CFH: variants seen among roughly 807,000 people sequenced by gnomAD.
The protein encoded by CFH is H factor 1 (complement).
A neutral mutation model predicts 147.3 loss-of-function variants in CFH; 53 were observed. The ratio of observed to expected loss-of-function variants is 0.36; its 90% CI spans 0.29 to 0.45. The LOEUF (loss-of-function observed/expected upper bound fraction) is 0.45. Among genes scored for constraint, CFH ranks in the 20% least tolerant of loss-of-function variants. The probability of loss-of-function intolerance (pLI) is 1.00; values close to 1 mark genes in which losing one functional copy is unlikely to be tolerated. For synonymous variants in CFH, 536 were observed against 489.4 expected (o/e 1.10, Z -1.26); for missense variants, 1,380 against 1,498.0 (o/e 0.92, Z 1.30).
At chr1:196,746,050 A>T in intron 21 of CFH, 51 bp downstream of exon 21, 1 of 1,613,034 alleles carries the variant, frequency 6.2e-7, no homozygotes, top group Non-Finnish European at 8.5e-7. Context: ...GATGAGTCTG[A>T]TATTTCACTG....
chr1:196,726,908 A>T lies in CFH; in HGVS notation c.2204A>T (p.His735Leu). Residue 735 changes from histidine (H) to leucine (L), a missense_variant, in exon 14 of 22, where the codon CAT (histidine) becomes CTT (leucine). His to Leu is a moderately conservative substitution (Grantham distance 99). Coordinates refer to ENST00000367429, the MANE Select transcript of CFH (RefSeq NM_000186.4). The stretch of plus-strand genomic sequence containing the variant: ...GGACACAGATCAATTACGTGTATTC[A>T]TGGAGTATGGACCCAACTTCCCCAG... Reference protein sequence around the residue: ...MIGHRSITCIHGVWTQLPQCV... With the variant: ...MIGHRSITCILGVWTQLPQCV... The T allele has an allele frequency of 1.9e-6, 3 of 1,613,736 alleles. No individual in the cohort carries two copies. The South Asian group carries it at 3.3e-5, about 18-fold the overall frequency.
chr1:196,657,097 TC>T (rs1426309325), intron 1 of CFH, among the ~76,000 whole-genome samples: 1 of 152,124 alleles, frequency 6.6e-6, no homozygotes, highest in Non-Finnish European at 1.5e-5. Flanking sequence ...GCTCAAGCAA[TC>T]CTCCTGCCTC....
intron 1 of CFH, among the ~76,000 whole-genome samples, chr1:196,672,127 A>G (rs16840401): frequency 0.026 from 3,994 of 152,126 alleles, 192 homozygotes; most frequent in African/African-American, 0.09. Flanking sequence ...TGATTTGGCA[A>G]AGTTTCAGAA....
rs774287069 is a variant in CFH, at chr1:196,728,436, A to G, written c.2327A>G (p.Asn776Ser). ...AAGAAGGAATTCGATCATAATTCTA[A>G]CATAAGGTACAGATGTAGAGGAAAA... ...KNKKEFDHNS[N>S]IRYRCRGKEG... The change falls in exon 15 of 22, where the codon AAC becomes AGC. Residue 776 changes from asparagine (N) to serine (S), a missense_variant. By Grantham distance (46) the Asn-to-Ser change is conservative. This residue lies in a region of CFH where 830 missense variants were observed against 821.4 expected (regional missense o/e 1.01). Coordinates refer to ENST00000367429, the MANE Select transcript of CFH (RefSeq NM_000186.4). 6.2e-7 allele frequency: 1 copy of G among 1,611,554 alleles called. No homozygotes were observed. The highest frequency in any genetic ancestry group is 1.1e-5 in the South Asian group (1 of 90,768).
chr1:196,694,654 C>T (rs1021060251), intron 9 of CFH, among the ~76,000 whole-genome samples: 8 of 152,188 alleles, frequency 5.3e-5, no homozygotes, highest in South Asian at 2.1e-4. Flanking sequence ...TCCGCATCCT[C>T]GCCAGCACCT....
intron 1 of CFH, among the ~76,000 whole-genome samples, chr1:196,660,505 G>A (rs1188179647): frequency 6.6e-6 from 1 of 152,146 alleles, no homozygotes. Context: ...GAGAGTAGAG[G>A]ACTGGAGGCT....
In CFH at chr1:196,741,993, T is replaced by C; in HGVS notation, c.3075T>C (p.Asp1025=). 5 of 1,614,136 alleles carry C rather than the reference T, an allele frequency of 3.1e-6. No individual in the cohort carries two copies. The highest frequency in any genetic ancestry group is 4.2e-6 in the Non-Finnish European group (5 of 1,180,012). The change falls in exon 19 of 22, where the codon GAT becomes GAC. Residue 1025 remains aspartate, a synonymous_variant. Transcript: ENST00000367429. The stretch of plus-strand genomic sequence containing the variant: ...CTTGTGCAACATATTACAAAATGGA[T>C]GGAGCCAGTAATGTAACATGCATTA... The part of the protein sequence containing the change: ...TYTCATYYKM[D]GASNVTCINS...
rs485155 is a variant in CFH at position 196,670,286 on chromosome 1, T to A, written c.59-2692T>A. The stretch of plus-strand genomic sequence containing the variant: ...GTAGTGAGTTAAGACTTGGGGGGAC[T>A]GTTGGGAAGGCATGATTATGTTTTG... On this transcript the variant is annotated intron_variant, in intron 1 of 21. Transcript: ENST00000367429. Among the ~76,000 whole-genome samples the A allele has an allele frequency of 6.0e-3, 911 of 152,264 alleles. 8 individuals are homozygous for A. Among genetic ancestry groups the A allele is most frequent in the African/African-American group, 0.02 (847 of 41,562 alleles).
At chr1:196,701,602 A>G (rs1445862589) in intron 9 of CFH, 2 of 471,062 alleles carry the variant, frequency 4.2e-6, no homozygotes, top group African/African-American at 3.9e-5. Flanking sequence ...GTTGCTGTGC[A>G]GCAGGCATAC....
At chr1:196,686,680 T>A (rs1667840882) in intron 7 of CFH, among the ~76,000 whole-genome samples, 1 of 152,090 alleles carries the variant, frequency 6.6e-6, no homozygotes, top group South Asian at 2.1e-4. Context: ...TCAGTGTGCA[T>A]AAGAATTATG....
At chr1:196,695,955 C>T (rs960869955) in intron 9 of CFH, among the ~76,000 whole-genome samples, 2 of 152,028 alleles carry the variant, frequency 1.3e-5, no homozygotes, top group Non-Finnish European at 2.9e-5. Flanking sequence ...CAAAAAGAGA[C>T]AATTTGACTT....
At chr1:196,720,970 A>C (rs1558176426) in intron 11 of CFH, among the ~76,000 whole-genome samples, 2 of 151,748 alleles carry the variant, frequency 1.3e-5, no homozygotes, top group African/African-American at 4.8e-5. Context: ...AACATTTATT[A>C]TTTTTTGACT....
At position 196,677,188 on chromosome 1, in the gene CFH, A is replaced by G. The variant is rs561746113; in HGVS notation, c.428-288A>G. On this transcript the variant is annotated intron_variant, in intron 4 of 21. Transcript: ENST00000367429. ...TGTATTTAATTATCTCAAGCTTTATATTTCTTAATTATTTAAAAATACTAG... is the reference window on the plus strand; with the variant it reads ...TGTATTTAATTATCTCAAGCTTTATGTTTCTTAATTATTTAAAAATACTAG... The G allele has an allele frequency of 4.0e-5, 12 of 296,950 alleles. No individual in the cohort carries two copies. In the East Asian group the frequency reaches 7.9e-4, roughly 20 times the overall value. 18.4% of individuals were successfully genotyped at this position (296,950 alleles called of 1,614,324 possible). A position where few individuals can be genotyped will look rare whatever the true frequency, so the allele number is the denominator to read the frequency against.
chr1:196,688,323 TG>T (rs920139624), intron 7 of CFH, among the ~76,000 whole-genome samples: 24 of 152,076 alleles, frequency 1.6e-4, no homozygotes, highest in Non-Finnish European at 2.9e-4. Context: ...GTAATTATAT[TG>T]TACCTTACTT....
chr1:196,667,136 T>A (rs1182842780), intron 1 of CFH, among the ~76,000 whole-genome samples: 2 of 152,196 alleles, frequency 1.3e-5, no homozygotes, highest in Non-Finnish European at 2.9e-5. Context: ...TTCTGTTATA[T>A]TTTGAAGATG....
At chr1:196,701,101 A>G (rs1293973945) in intron 9 of CFH, among the ~76,000 whole-genome samples, 1 of 152,192 alleles carries the variant, frequency 6.6e-6, no homozygotes, top group Non-Finnish European at 1.5e-5. Context: ...TTGGAATCTG[A>G]AACTTTATAT....
At chr1:196,727,453 C>T (rs574702789) in intron 14 of CFH, among the ~76,000 whole-genome samples, 2 of 152,002 alleles carry the variant, frequency 1.3e-5, no homozygotes, top group Non-Finnish European at 2.9e-5. Context: ...GCAGTGAGCT[C>T]TATTGTGCAT....
At chr1:196,744,869 G>T (rs1257113597) in intron 20 of CFH, among the ~76,000 whole-genome samples, 1 of 151,740 alleles carries the variant, frequency 6.6e-6, no homozygotes, top group East Asian at 1.9e-4. Context: ...TAATCTTTAG[G>T]CATAGGTCTA....
At chr1:196,709,204 G>A (rs933334749) in intron 9 of CFH, among the ~76,000 whole-genome samples, 1 of 152,056 alleles carries the variant, frequency 6.6e-6, no homozygotes, top group Non-Finnish European at 1.5e-5. Context: ...ATAGTTTTTT[G>A]AGCTTTCCGC....
Sources: gnomAD v4.1 joint callset for allele counts (sites outside exome capture counted in the v4.1 genomes callset) on GRCh38, gnomAD v4.1.1 for gene constraint, gnomAD v4.1.1 regional missense constraint, MANE v1.5 for transcripts, NCBI Gene and HGNC (gene_info 2026-07-23, HGNC 2026-07-21) for gene names.